Variants in DUSP7 observed in about 807,000 individuals in gnomAD.
DUSP7 encodes dual specificity protein phosphatase 7.
DUSP7 carries 7 observed loss-of-function variants against 29.8 expected under a neutral mutation model. The observed-to-expected ratio is 0.24, with a 90% CI of 0.13 to 0.44. The LOEUF (loss-of-function observed/expected upper bound fraction) is 0.44. Among genes scored for constraint, DUSP7 ranks in the 20% least tolerant of loss-of-function variants. The probability of loss-of-function intolerance (pLI) is 1.00; values close to 1 mark genes in which losing one functional copy is unlikely to be tolerated. For missense variants in DUSP7, 400 were observed against 583.7 expected (o/e 0.69, Z 3.24); for synonymous variants, 287 against 275.4 (o/e 1.04, Z -0.42).
chr3:52,053,898 C>T lies in DUSP7; in HGVS notation c.952+42G>A, dbSNP rs1321461700. On this transcript the variant is annotated intron_variant, in intron 2 of 2. Transcript: ENST00000495880. This position sits in a 1 kb window ranked among gnomAD's most constrained non-coding sequence, Gnocchi z 4.6. ...GCGCCACCCAGAGTCCTGCATACAC[C>T]TTGATGCACCCACACCCCCCTGCCC... The T allele has an allele frequency of 9.9e-6, 16 of 1,611,232 alleles. No individual in the cohort carries two copies. The highest frequency in any genetic ancestry group is 1.4e-5 in the Non-Finnish European group (16 of 1,177,694).
rs1431239976 is a variant in DUSP7 at position 52,048,926 on chromosome 3, GA to G, written c.*1888del. On this transcript the variant is annotated 3_prime_UTR_variant, in exon 3 of 3. Coordinates refer to ENST00000495880, the MANE Select transcript of DUSP7 (RefSeq NM_001947.4). ...CTTATCGGACACGACTCATTTTAAA[GA>G]AAAAATAATATTTATTTGCAATATA... 6.6e-6 allele frequency: 1 copy of G among 152,030 alleles called. No homozygotes were observed. The highest frequency in any genetic ancestry group is 1.5e-5 in the Non-Finnish European group (1 of 67,998). The allele number at this position is 152,030 out of a possible 1,614,324, so 9.4% of individuals were successfully genotyped here. A position where few individuals can be genotyped will look rare whatever the true frequency, so the allele number is the denominator to read the frequency against.
intron 1 of DUSP7, 37 bp downstream of exon 1, chr3:52,055,813 G>T (rs752151137): frequency 1.3e-6 from 2 of 1,488,154 alleles, no homozygotes; most frequent in South Asian, 1.4e-5. Flanking sequence ...TCGCGGGGGG[G>T]CCCCGATCCC....
At chr3:52,055,225 C>T (rs1577768890) in intron 1 of DUSP7, among the ~76,000 whole-genome samples, 4 of 151,744 alleles carry the variant, frequency 2.6e-5, no homozygotes, top group South Asian at 4.1e-4. Flanking sequence ...CAGCCACTCG[C>T]CCCCCGGTGC....
In DUSP7 at chr3:52,053,913, C is replaced by T. The variant is rs759148697; in HGVS notation, c.952+27G>A. On this transcript the variant is annotated intron_variant, in intron 2 of 2. Transcript: ENST00000495880. This position sits in a 1 kb window ranked among gnomAD's most constrained non-coding sequence, Gnocchi z 4.6. ...CTGCATACACCTTGATGCACCCACA[C>T]CCCCCTGCCCAGCACACAGCACCTA... 7 of 1,608,564 alleles carry T rather than the reference C, an allele frequency of 4.4e-6. No homozygotes were observed. The highest frequency in any genetic ancestry group is 2.2e-5 in the East Asian group (1 of 44,858).
At chr3:52,052,328 A>G (rs1194651634) in intron 2 of DUSP7, 1 of 152,336 alleles carries the variant, frequency 6.6e-6, no homozygotes, top group Non-Finnish European at 1.5e-5. Context: ...GTCCTGACAG[A>G]GCTTCCTCTC....
chr3:52,050,082 G>T lies in DUSP7; in HGVS notation c.*733C>A, dbSNP rs1024067206. 6.6e-6 allele frequency: 1 copy of T among 152,246 alleles called. No individual in the cohort carries two copies. Among genetic ancestry groups the T allele is most frequent in the Non-Finnish European group, 1.5e-5 (1 of 68,054 alleles). The allele number at this position is 152,246 out of a possible 1,614,324, so 9.4% of individuals were successfully genotyped here. ...CGAATGCAGAGCTAAGTCAGACTGG[G>T]CCAAGGGTGGGAGGCGGCACGACTG... is the stretch of plus-strand genomic sequence containing the variant. On this transcript the variant is annotated 3_prime_UTR_variant, in exon 3 of 3. Coordinates refer to ENST00000495880, the MANE Select transcript of DUSP7 (RefSeq NM_001947.4). The surrounding 1 kb of genome is among the most constrained non-coding windows in gnomAD (Gnocchi z 5.0).
In DUSP7 at chr3:52,055,925, C is replaced by G. The variant is rs1459161226; in HGVS notation, c.442G>C (p.Gly148Arg). 6.5e-7 allele frequency: 1 copy of G among 1,539,354 alleles called. No homozygotes were observed. The highest frequency in any genetic ancestry group is 2.0e-5 in the Admixed American group (1 of 50,890). The change falls in exon 1 of 3, where the codon GGC becomes CGC. Residue 148 changes from glycine to arginine, a missense_variant. Around this residue, in one of 4 missense-constraint regions of DUSP7, gnomAD observed 223 missense variants for 360.9 expected, o/e 0.62. Coordinates refer to ENST00000495880, the MANE Select transcript of DUSP7 (RefSeq NM_001947.4). The stretch of plus-strand genomic sequence containing the variant: ...AGGCCGAGCACGGAGGCGGGAGCGC[C>G]GGGCTCGGGCTGCCACTCGGCCGTG... ...EATAEWQPEPGAPASVLGLLL... is the reference protein window; with the variant it reads ...EATAEWQPEPRAPASVLGLLL...
At position 52,050,735 on chromosome 3, in the gene DUSP7, G is replaced by T; in HGVS notation, c.*80C>A. The T allele has an allele frequency of 6.9e-7, 1 of 1,458,722 alleles. No homozygotes were observed. The allele number at this position is 1,458,722 out of a possible 1,614,324, so 90.4% of individuals were successfully genotyped here. A position where few individuals can be genotyped will look rare whatever the true frequency, so the allele number is the denominator to read the frequency against. On this transcript the variant is annotated 3_prime_UTR_variant, in exon 3 of 3. Transcript: ENST00000495880. This position sits in a 1 kb window ranked among gnomAD's most constrained non-coding sequence, Gnocchi z 5.0. The stretch of plus-strand genomic sequence containing the variant: ...CATCTGGGGGTTCCTCAGGCCAGAG[G>T]TGGCGGGCTTGGGCTCTCCCACCTA...
At position 52,054,591 on chromosome 3, in the gene DUSP7, T is replaced by C. The variant is rs1005204227; in HGVS notation, c.518-217A>G. ...ATAAGGAAACTGAGGCCCCAGAAGG[T>C]GAAGTGACGTGCCTGGACTCCAAAC... On this transcript the variant is annotated intron_variant, in intron 1 of 2. Coordinates refer to ENST00000495880, the MANE Select transcript of DUSP7 (RefSeq NM_001947.4). The surrounding 1 kb of genome is among the most constrained non-coding windows in gnomAD (Gnocchi z 4.1). Among the ~76,000 whole-genome samples, 5 of 152,078 alleles carry C rather than the reference T, an allele frequency of 3.3e-5. No individual in the cohort carries two copies. Among genetic ancestry groups the C allele is most frequent in the Admixed American group, 6.5e-5 (1 of 15,278 alleles).
Position 52,050,792 on chromosome 3 carries a change from C to T in DUSP7, c.*23G>A, listed in dbSNP as rs1399863285. The T allele has an allele frequency of 6.3e-7, 1 of 1,597,716 alleles. No individual in the cohort carries two copies. The highest frequency in any genetic ancestry group is 1.3e-5 in the African/African-American group (1 of 74,570). ...TGGAGAGCCGAGCAGGGGCCTGGTG[C>T]CATGCCCCCCGTGCACCAGGCCTCA... On this transcript the variant is annotated 3_prime_UTR_variant, in exon 3 of 3. Transcript: ENST00000495880. This position sits in a 1 kb window ranked among gnomAD's most constrained non-coding sequence, Gnocchi z 5.0.
chr3:52,054,455 A>C lies in DUSP7; in HGVS notation c.518-81T>G. ...CTGCACAAGACCAGAGATGGCCAGG[A>C]CTCTGCACGCCAAACACCACAGCAC... On this transcript the variant is annotated intron_variant, in intron 1 of 2. Coordinates refer to ENST00000495880, the MANE Select transcript of DUSP7 (RefSeq NM_001947.4). This position sits in a 1 kb window ranked among gnomAD's most constrained non-coding sequence, Gnocchi z 4.1. The C allele has an allele frequency of 8.1e-7, 1 of 1,229,286 alleles. No individual in the cohort carries two copies. Among genetic ancestry groups the C allele is most frequent in the Non-Finnish European group, 1.1e-6 (1 of 889,090 alleles). 76.1% of individuals were successfully genotyped at this position (1,229,286 alleles called of 1,614,324 possible). A position where few individuals can be genotyped will look rare whatever the true frequency, so the allele number is the denominator to read the frequency against.
In DUSP7 at chr3:52,051,176, C is replaced by T; in HGVS notation, c.953-54G>A. ...GTGCCTCCTTCAAGGAGCCTTCCCACATGGGTGGGCAGGTGGGGCTGGGGC... is the reference window on the plus strand; with the variant it reads ...GTGCCTCCTTCAAGGAGCCTTCCCATATGGGTGGGCAGGTGGGGCTGGGGC... On this transcript the variant is annotated intron_variant, in intron 2 of 2. Coordinates refer to ENST00000495880, the MANE Select transcript of DUSP7 (RefSeq NM_001947.4). The surrounding 1 kb of genome is among the most constrained non-coding windows in gnomAD (Gnocchi z 4.8). 3 of 1,547,902 alleles carry T rather than the reference C, an allele frequency of 1.9e-6. No individual in the cohort carries two copies. Among genetic ancestry groups the T allele is most frequent in the African/African-American group, 1.4e-5 (1 of 73,922 alleles).
In DUSP7 at chr3:52,056,226, C is replaced by A. The variant is rs755969313; in HGVS notation, c.141G>T (p.Thr47=). The A allele has an allele frequency of 2.6e-5, 37 of 1,416,578 alleles. No individual in the cohort carries two copies. The African/African-American group carries it at 5.1e-4, about 20-fold the overall frequency. The allele number at this position is 1,416,578 out of a possible 1,614,324, so 87.8% of individuals were successfully genotyped here. A position where few individuals can be genotyped will look rare whatever the true frequency, so the allele number is the denominator to read the frequency against. The change falls in exon 1 of 3, where the codon ACG becomes ACT. Residue 47 remains threonine, a synonymous_variant. Transcript: ENST00000495880. This position sits in a 1 kb window ranked among gnomAD's most constrained non-coding sequence, Gnocchi z 6.4. The part of the protein sequence containing the change: ...SGAGTGAGAA[T]GAGAMPCKSA... ...TCTTGCAGGGCATGGCCCCTGCCCC[C>A]GTCGCCGCGCCCGCCCCGGTGCCTG...
rs1277260617 is a variant in DUSP7, at chr3:52,051,027, T to C, written c.1048A>G (p.Met350Val). Residue 350 changes from methionine (M) to valine (V), a missense_variant, in exon 3 of 3, where the codon ATG becomes GTG. Coordinates refer to ENST00000495880, the MANE Select transcript of DUSP7 (RefSeq NM_001947.4). This position sits in a 1 kb window ranked among gnomAD's most constrained non-coding sequence, Gnocchi z 4.8. ...TVTVAYLMQK[M>V]NLSLNDAYDF... Reference sequence around the variant, plus strand: ...TAGGCGTCGTTGAGTGACAGGTTCATCTTCTGCATCAGATAGGCCACAGTG... The same window carrying C: ...TAGGCGTCGTTGAGTGACAGGTTCACCTTCTGCATCAGATAGGCCACAGTG... 6.2e-7 allele frequency: 1 copy of C among 1,614,274 alleles called. No homozygotes were observed. Among genetic ancestry groups the C allele is most frequent in the East Asian group, 2.2e-5 (1 of 44,890 alleles).
chr3:52,056,233 G>A lies in DUSP7; in HGVS notation c.134C>T (p.Ala45Val), dbSNP rs1279961175. ...SGSGAGTGAG[A>V]ATGAGAMPCK... Reference sequence around the variant, plus strand: ...GGGCATGGCCCCTGCCCCCGTCGCCGCGCCCGCCCCGGTGCCTGCGCCGGA... The same window carrying A: ...GGGCATGGCCCCTGCCCCCGTCGCCACGCCCGCCCCGGTGCCTGCGCCGGA... Residue 45 changes from alanine (A) to valine (V), a missense_variant, in exon 1 of 3, where the codon GCG (alanine) becomes GTG (valine). Ala to Val is a moderately conservative substitution (Grantham distance 64, BLOSUM62 0). Transcript: ENST00000495880. The surrounding 1 kb of genome is among the most constrained non-coding windows in gnomAD (Gnocchi z 6.4). 7.1e-7 allele frequency: 1 copy of A among 1,405,892 alleles called. No homozygotes were observed. The highest frequency in any genetic ancestry group is 9.2e-7 in the Non-Finnish European group (1 of 1,085,296). The allele number at this position is 1,405,892 out of a possible 1,614,324, so 87.1% of individuals were successfully genotyped here. A position where few individuals can be genotyped will look rare whatever the true frequency, so the allele number is the denominator to read the frequency against.
chr3:52,056,434 G>A lies in DUSP7; in HGVS notation c.-68C>T, dbSNP rs1264713007. ...CCTGGGACGGCGCCCCGGCCGCGCG[G>A]GCCCCAGCCGCGTCTCCGGGCGCCC... On this transcript the variant is annotated 5_prime_UTR_variant, in exon 1 of 3. Coordinates refer to ENST00000495880, the MANE Select transcript of DUSP7 (RefSeq NM_001947.4). This position sits in a 1 kb window ranked among gnomAD's most constrained non-coding sequence, Gnocchi z 6.4. 152 of 875,226 alleles carry A rather than the reference G, an allele frequency of 1.7e-4. No homozygotes were observed. Among genetic ancestry groups the A allele is most frequent in the Non-Finnish European group, 2.0e-4 (148 of 731,704 alleles). The allele number at this position is 875,226 out of a possible 1,614,324, so 54.2% of individuals were successfully genotyped here.
rs946377556 is a variant in DUSP7, at chr3:52,054,136, G to C, written c.756C>G (p.Leu252=). 3.7e-6 allele frequency: 6 copies of C among 1,614,108 alleles called. No individual in the cohort carries two copies. Among genetic ancestry groups the C allele is most frequent in the South Asian group, 1.1e-5 (1 of 91,090 alleles). Residue 252 remains leucine (L), a synonymous_variant, in exon 2 of 3, where the codon CTC becomes CTG. Coordinates refer to ENST00000495880, the MANE Select transcript of DUSP7 (RefSeq NM_001947.4). This position sits in a 1 kb window ranked among gnomAD's most constrained non-coding sequence, Gnocchi z 4.1. ...TGGAGTCCTTGGCGCAGCCGAGGTA[G>C]AGGTAGGGCAGGATCTGGACAGGGA... ...PAFPVQILPY[L]YLGCAKDSTN...
Position 52,055,899 on chromosome 3 carries a change from C to G in DUSP7, c.468G>C (p.Leu156=). 6.3e-7 allele frequency: 1 copy of G among 1,574,934 alleles called. No homozygotes were observed. The highest frequency in any genetic ancestry group is 8.6e-7 in the Non-Finnish European group (1 of 1,162,928). ...CGTCGTCGCGCAGCTTCTGTAGGAGCAGGCCGAGCACGGAGGCGGGAGCGC... is the reference window on the plus strand; with the variant it reads ...CGTCGTCGCGCAGCTTCTGTAGGAGGAGGCCGAGCACGGAGGCGGGAGCGC... ...EPGAPASVLG[L]LLQKLRDDGC... Residue 156 remains leucine, a synonymous_variant, in exon 1 of 3, where the codon CTG becomes CTC. Coordinates refer to ENST00000495880, the MANE Select transcript of DUSP7 (RefSeq NM_001947.4).
Position 52,054,097 on chromosome 3 carries a change from C to T in DUSP7, c.795G>A (p.Val265=). 2 of 1,614,228 alleles carry T rather than the reference C, an allele frequency of 1.2e-6. No individual in the cohort carries two copies. Among genetic ancestry groups the T allele is most frequent in the Non-Finnish European group, 1.7e-6 (2 of 1,180,042 alleles). ...TATACTTGATGCCATACTTGCCGAG[C>T]ACGTCCAGGTTGGTGGAGTCCTTGG... ...GCAKDSTNLD[V]LGKYGIKYIL... Residue 265 remains valine (V), a synonymous_variant, in exon 2 of 3, where the codon GTG becomes GTA. Transcript: ENST00000495880. This position sits in a 1 kb window ranked among gnomAD's most constrained non-coding sequence, Gnocchi z 4.1.
Sources: allele counts gnomAD v4.1 joint callset (sites outside exome capture counted in the v4.1 genomes callset), GRCh38; gene constraint gnomAD v4.1.1; regional missense constraint gnomAD v4.1.1; non-coding constraint Gnocchi (gnomAD v3.1); transcripts MANE v1.5; gene names NCBI Gene and HGNC (gene_info 2026-07-23, HGNC 2026-07-21).